Variants in ZNF234 observed in about 807,000 individuals in gnomAD.
ZNF234 encodes C2-H2 type zinc finger protein.
A neutral mutation model predicts 10.3 loss-of-function variants in ZNF234; 4 were observed. That is an observed-to-expected ratio of 0.39 (90% CI 0.19 to 0.89). The LOEUF (loss-of-function observed/expected upper bound fraction) is 0.89. Ranked by LOEUF, ZNF234 falls within the 40% of genes least tolerant of loss-of-function variation. The pLI, the probability that ZNF234 is intolerant of heterozygous loss-of-function variation, is 0.38. For missense variants in ZNF234, 711 were observed against 836.1 expected (o/e 0.85, Z 1.85); for synonymous variants, 258 against 280.1 (o/e 0.92, Z 0.79).
At position 44,155,241 on chromosome 19, in the gene ZNF234, A is replaced by C. The variant is rs572613652; in HGVS notation, c.236-1011A>C. Among the ~76,000 whole-genome samples the C allele has an allele frequency of 2.6e-5, 4 of 152,286 alleles. 1 individual carries two copies. The highest frequency in any genetic ancestry group is 4.8e-5 in the African/African-American group (2 of 41,556). ...AAAAATAAGATTAAGTGTATATGTT[A>C]TGCAGAATATTCAAGAATATGGTTG... On this transcript the variant is annotated intron_variant, in intron 5 of 5. Coordinates refer to ENST00000426739, the MANE Select transcript of ZNF234 (RefSeq NM_006630.3).
Position 44,156,829 on chromosome 19 carries a change from T to C in ZNF234, c.813T>C (p.His271=). The change falls in exon 6 of 6, where the codon CAT becomes CAC. Residue 271 remains histidine, a synonymous_variant. Transcript: ENST00000426739. ...NCEECGRAFI[H]ASHLQEHQRI... ...AGGAATGTGGAAGGGCCTTCATACA[T>C]GCTTCCCATCTTCAGGAACATCAGA... 2.5e-6 allele frequency: 4 copies of C among 1,609,578 alleles called. No homozygotes were observed. Among genetic ancestry groups the C allele is most frequent in the South Asian group, 1.1e-5 (1 of 90,748 alleles).
intron 5 of ZNF234, 67 bp from the exon 6 acceptor site, chr19:44,156,185 G>A (rs372158758): frequency 3.3e-5 from 47 of 1,430,240 alleles, no homozygotes; most frequent in East Asian, 3.2e-4. Flanking sequence ...GCATGCTCTC[G>A]CCTAAGTATG....
At chr19:44,154,732 A>G (rs1968838722) in intron 5 of ZNF234, among the ~76,000 whole-genome samples, 1 of 149,144 alleles carries the variant, frequency 6.7e-6, no homozygotes, top group Non-Finnish European at 1.5e-5. Context: ...TCCTGAGTTC[A>G]AGCGATCCTC....
intron 5 of ZNF234, among the ~76,000 whole-genome samples, chr19:44,153,366 G>A (rs916587763): frequency 4.0e-5 from 6 of 151,736 alleles, no homozygotes; most frequent in African/African-American, 1.5e-4. Flanking sequence ...ATTGAAATTA[G>A]AACAATGAAA....
At chr19:44,154,501 T>C (rs559197899) in intron 5 of ZNF234, among the ~76,000 whole-genome samples, 2 of 152,336 alleles carry the variant, frequency 1.3e-5, no homozygotes, top group Non-Finnish European at 2.9e-5. Context: ...GCAAGTCATG[T>C]TAACCATTCC....
At chr19:44,148,457 T>C (rs1432340198) in intron 3 of ZNF234, among the ~76,000 whole-genome samples, 2 of 152,208 alleles carry the variant, frequency 1.3e-5, no homozygotes, top group Non-Finnish European at 2.9e-5. Context: ...TCTGGGGCAA[T>C]TGGTAATATT....
Position 44,158,106 on chromosome 19 carries a change from G to C in ZNF234, c.2090G>C (p.Ser697Thr), listed in dbSNP as rs771744173. The change falls in exon 6 of 6, where the codon AGT becomes ACT. Residue 697 changes from serine to threonine, a missense_variant. Transcript: ENST00000426739. ...KNIRELSEGG[S>T]STR ...ATCAGAGAGTTGTCAGAGGGAGGAA[G>C]TTCTACAAGGTGATTAAAAAAAAAA... 3.2e-6 allele frequency: 5 copies of C among 1,554,364 alleles called. No homozygotes were observed. In the Admixed American group the frequency reaches 9.8e-5, roughly 31 times the overall value.
chr19:44,147,942 A>C (rs1159916587), intron 3 of ZNF234, among the ~76,000 whole-genome samples: 1 of 152,236 alleles, frequency 6.6e-6, no homozygotes, highest in Admixed American at 6.5e-5. Context: ...AATATTGAAA[A>C]TTAAATATTC....
At chr19:44,149,813 C>G (rs1254451310) in intron 4 of ZNF234, 3 of 152,140 alleles carry the variant, frequency 2.0e-5, no homozygotes, top group African/African-American at 7.2e-5. Flanking sequence ...ACCGGACTTA[C>G]AGTTTGAAAA....
At chr19:44,155,856 CT>C (rs1328830572) in intron 5 of ZNF234, among the ~76,000 whole-genome samples, 1 of 152,160 alleles carries the variant, frequency 6.6e-6, no homozygotes, top group African/African-American at 2.4e-5. Context: ...CTGCCCCAGC[CT>C]CCCAGAATGC....
intron 5 of ZNF234, among the ~76,000 whole-genome samples, chr19:44,152,616 A>G (rs144045227): frequency 6.6e-6 from 1 of 152,176 alleles, no homozygotes; most frequent in African/African-American, 2.4e-5. Context: ...GGAGGCTTCC[A>G]TCATATGGAA....
Position 44,157,761 on chromosome 19 carries a change from A to G in ZNF234, c.1745A>G (p.Asn582Ser), listed in dbSNP as rs1968940339. ...GGAAAGGGCTTCAAGTGGAGCTTGA[A>G]CCTTGACATGCATCAGAGGGTGCAC... Reference protein sequence around the residue: ...ECGKGFKWSLNLDMHQRVHTG... With the variant: ...ECGKGFKWSLSLDMHQRVHTG... The change falls in exon 6 of 6, where the codon AAC (asparagine) becomes AGC (serine). Residue 582 changes from asparagine to serine, a missense_variant. Asn to Ser is a conservative substitution (Grantham distance 46, BLOSUM62 1). Transcript: ENST00000426739. 2 of 1,613,990 alleles carry G rather than the reference A, an allele frequency of 1.2e-6. No individual in the cohort carries two copies. Among genetic ancestry groups the G allele is most frequent in the Non-Finnish European group, 1.7e-6 (2 of 1,179,950 alleles).
At position 44,156,970 on chromosome 19, in the gene ZNF234, T is replaced by A. The variant is rs781537961; in HGVS notation, c.954T>A (p.Cys318Ter). 2.5e-6 allele frequency: 4 copies of A among 1,613,942 alleles called. No homozygotes were observed. Among genetic ancestry groups the A allele is most frequent in the Non-Finnish European group, 3.4e-6 (4 of 1,179,974 alleles). The stretch of plus-strand genomic sequence containing the variant: ...ACACAGGAGAGAAACCATACAAATG[T>A]GAGGACTGTGGTAAGTGTTTCACTT... ...MVHTGEKPYK[C>*]EDCGKCFTCS... Residue 318 changes from cysteine (C) to a stop codon, truncating the protein, a stop_gained, in exon 6 of 6, where the codon TGT becomes TGA. Transcript: ENST00000426739. LOFTEE classifies it low-confidence loss of function (END_TRUNC).
chr19:44,155,919 A>G (rs972899415), intron 5 of ZNF234, among the ~76,000 whole-genome samples: 1 of 152,132 alleles, frequency 6.6e-6, no homozygotes, highest in Non-Finnish European at 1.5e-5. Flanking sequence ...TATTTAGATA[A>G]TTTACTATTT....
chr19:44,144,797 GT>G (rs1968552045), intron 3 of ZNF234, 150 bp downstream of exon 3: 2 of 634,982 alleles, frequency 3.1e-6, no homozygotes, highest in South Asian at 1.2e-4. Context: ...TTTAGATGTT[GT>G]TTATTTTATT....
intron 3 of ZNF234, among the ~76,000 whole-genome samples, chr19:44,146,806 CTTTTTTTTTT>C (rs60083912): frequency 4.8e-5 from 4 of 83,276 alleles, no homozygotes; most frequent in Admixed American, 1.5e-4. Context: ...CTCTCTCTCT[CTTTTTTTTTT>C]TTTTTTTTTT....
intron 2 of ZNF234, among the ~76,000 whole-genome samples, chr19:44,143,448 A>G (rs1477969582): frequency 6.6e-6 from 1 of 152,096 alleles, no homozygotes; most frequent in Non-Finnish European, 1.5e-5. Context: ...TCTCTACTAA[A>G]AATACAAAAA....
intron 5 of ZNF234, among the ~76,000 whole-genome samples, chr19:44,151,582 T>A (rs1008493658): frequency 1.3e-5 from 2 of 152,204 alleles, no homozygotes; most frequent in African/African-American, 2.4e-5. Flanking sequence ...CTTTCAGTTC[T>A]TTGTTTGAAG....
At position 44,156,906 on chromosome 19, in the gene ZNF234, TC is replaced by T. The variant is rs770874845; in HGVS notation, c.892del (p.Arg298ValfsTer114). 21 of 1,613,890 alleles carry T rather than the reference TC, an allele frequency of 1.3e-5. No homozygotes were observed. Among genetic ancestry groups the T allele is most frequent in the Non-Finnish European group, 1.8e-5 (21 of 1,179,920 alleles). On this transcript the variant is annotated frameshift_variant, in exon 6 of 6. Coordinates refer to ENST00000426739, the MANE Select transcript of ZNF234 (RefSeq NM_006630.3). LOFTEE classifies it low-confidence loss of function (END_TRUNC). Reference sequence around the variant, plus strand: ...AAATGTGATACATGTGGTAAGAACTTCCGTCGTAGATCAGCACTTAATAATC... The same window carrying T: ...AAATGTGATACATGTGGTAAGAACTTCGTCGTAGATCAGCACTTAATAATC... ...PFKCDTCGKN[F>X]RRRSALNNHC...
Sources: gnomAD v4.1 joint callset for allele counts (sites outside exome capture counted in the v4.1 genomes callset) on GRCh38, gnomAD v4.1.1 for gene constraint, MANE v1.5 for transcripts, NCBI Gene and HGNC (gene_info 2026-07-23, HGNC 2026-07-21) for gene names.